PDE1A: variants seen among roughly 807,000 people sequenced by gnomAD.
PDE1A encodes dual specificity calcium/calmodulin-dependent 3',5'-cyclic nucleotide phosphodiesterase 1A.
Under a neutral mutation model 61.7 loss-of-function variants are expected in PDE1A, and 35 were observed. The observed-to-expected ratio is 0.57, with a 90% CI of 0.43 to 0.75. The LOEUF (loss-of-function observed/expected upper bound fraction) is 0.75, where lower values mean the gene tolerates loss of function less well. PDE1A is among the 30% of genes least tolerant of loss of function. PDE1A has a pLI of 0.00. For synonymous variants in PDE1A, 232 were observed against 213.2 expected (o/e 1.09, Z -0.77); for missense variants, 597 against 630.6 (o/e 0.95, Z 0.57).
At chr2:182,369,921 T>C (rs1700035962) in intron 1 of PDE1A, among the ~76,000 whole-genome samples, 1 of 152,188 alleles carries the variant, frequency 6.6e-6, no homozygotes, top group African/African-American at 2.4e-5. Context: ...ACGCCTGTAA[T>C]CCCAGCACTT....
the PDE1A span, among the ~76,000 whole-genome samples, chr2:182,678,639 C>T: frequency 1.3e-5 from 2 of 151,978 alleles, no homozygotes; most frequent in African/African-American, 4.8e-5. Context: ...ATACAGAAAT[C>T]CATAGAATTT....
At chr2:182,268,042 T>G (rs1692758148) in intron 1 of PDE1A, among the ~76,000 whole-genome samples, 2 of 152,274 alleles carry the variant, frequency 1.3e-5, no homozygotes, top group East Asian at 3.9e-4. Context: ...AAAAATTCTT[T>G]TTAATAATGA....
chr2:182,325,106 C>G (rs1184387709), intron 1 of PDE1A, among the ~76,000 whole-genome samples: 1 of 152,092 alleles, frequency 6.6e-6, no homozygotes, highest in Non-Finnish European at 1.5e-5. Context: ...ATACATTTGA[C>G]TAGTCAACAG....
chr2:182,350,195 C>G (rs557336283), intron 1 of PDE1A, among the ~76,000 whole-genome samples: 25 of 152,080 alleles, frequency 1.6e-4, no homozygotes, highest in Non-Finnish European at 1.8e-4. Context: ...TATTTGGTTT[C>G]TCTGATTCAG....
At chr2:182,142,981 A>T (rs1432731779), downstream of PDE1A, 1 of 152,258 alleles carries the variant, frequency 6.6e-6, no homozygotes, top group East Asian at 1.9e-4. Flanking sequence ...TTGAAAGAAG[A>T]GCCATAGCTT....
the PDE1A span, among the ~76,000 whole-genome samples, chr2:182,600,589 T>C: frequency 5.9e-5 from 9 of 152,240 alleles, no homozygotes; most frequent in African/African-American, 1.9e-4. Context: ...AAAGTACTCA[T>C]AAAATGAAGA....
intron 1 of PDE1A, among the ~76,000 whole-genome samples, chr2:182,346,700 A>C (rs917714686): frequency 7.2e-5 from 11 of 152,210 alleles, no homozygotes; most frequent in African/African-American, 2.4e-4. Flanking sequence ...TTTAGAGATG[A>C]ATCTATGCAC....
At chr2:182,552,751 C>T in the PDE1A span, among the ~76,000 whole-genome samples, 1 of 152,188 alleles carries the variant, frequency 6.6e-6, no homozygotes, top group Non-Finnish European at 1.5e-5. Flanking sequence ...GGGATATAAA[C>T]CCAGGCATTC....
intron 1 of PDE1A, among the ~76,000 whole-genome samples, chr2:182,315,638 T>G (rs904898967): frequency 2.6e-5 from 4 of 152,154 alleles, no homozygotes; most frequent in Non-Finnish European, 5.9e-5. Flanking sequence ...CATGCCCAAC[T>G]TCAAGAACTG....
At chr2:182,335,199 A>AT (rs1326309285) in intron 1 of PDE1A, among the ~76,000 whole-genome samples, 8 of 152,196 alleles carry the variant, frequency 5.3e-5, no homozygotes, top group Non-Finnish European at 4.4e-5. Context: ...GCCCTAGGTA[A>AT]TTTATAAGTT....
chr2:182,527,239 G>C (rs575264448), upstream of PDE1A, among the ~76,000 whole-genome samples: 36 of 139,058 alleles, frequency 2.6e-4, no homozygotes, highest in African/African-American at 8.9e-4. Flanking sequence ...GGCCAAAGCA[G>C]GCAGATCACT....
At chr2:182,546,628 C>G in the PDE1A span, among the ~76,000 whole-genome samples, 1 of 152,206 alleles carries the variant, frequency 6.6e-6, no homozygotes, top group Non-Finnish European at 1.5e-5. Flanking sequence ...ACAAGAGTTA[C>G]AATCAACCAG....
At chr2:182,288,383 T>C (rs903186695) in intron 1 of PDE1A, among the ~76,000 whole-genome samples, 3 of 152,132 alleles carry the variant, frequency 2.0e-5, no homozygotes, top group African/African-American at 7.2e-5. Flanking sequence ...TGTCCTGGAC[T>C]ACAAGAAACT....
chr2:182,589,561 G>A, the PDE1A span, among the ~76,000 whole-genome samples: 1 of 152,110 alleles, frequency 6.6e-6, no homozygotes, highest in Non-Finnish European at 1.5e-5. Context: ...AACTAGAAGT[G>A]CCCATCCAAG....
At chr2:182,583,873 T>G in the PDE1A span, among the ~76,000 whole-genome samples, 1 of 152,210 alleles carries the variant, frequency 6.6e-6, no homozygotes, top group Non-Finnish European at 1.5e-5. Flanking sequence ...TTGTGGTGAT[T>G]AAATTTTTGC....
chr2:182,644,621 T>C, the PDE1A span, among the ~76,000 whole-genome samples: 1 of 152,156 alleles, frequency 6.6e-6, no homozygotes, highest in Non-Finnish European at 1.5e-5. Context: ...AAGTTACTAA[T>C]ACTGTGACCT....
chr2:182,603,613 G>A, the PDE1A span, among the ~76,000 whole-genome samples: 1 of 152,210 alleles, frequency 6.6e-6, no homozygotes, highest in East Asian at 1.9e-4. Context: ...GCCTCCCAAA[G>A]TGAGTTGAAG....
At chr2:182,659,297 T>C in the PDE1A span, among the ~76,000 whole-genome samples, 4 of 152,346 alleles carry the variant, frequency 2.6e-5, no homozygotes, top group South Asian at 4.1e-4. Flanking sequence ...TGAGAAATCC[T>C]TGAATAAATC....
At chr2:182,345,525 C>T (rs143363721) in intron 1 of PDE1A, among the ~76,000 whole-genome samples, 629 of 152,212 alleles carry the variant, frequency 4.1e-3, no homozygotes, top group Non-Finnish European at 6.5e-3. Flanking sequence ...CTTGCTAATA[C>T]GACTTAAGAG....
Sources: gnomAD v4.1 joint callset for allele counts (sites outside exome capture counted in the v4.1 genomes callset) on GRCh38, gnomAD v4.1.1 for gene constraint, MANE v1.5 for transcripts, NCBI Gene and HGNC (gene_info 2026-07-23, HGNC 2026-07-21) for gene names.